The following PAIP1 variants were observed in gnomAD, a reference collection of about 807,000 sequenced individuals.
PAIP1 encodes the protein polyadenylate-binding protein-interacting protein 1.
A neutral mutation model predicts 61.3 loss-of-function variants in PAIP1; 16 were observed. The observed-to-expected ratio is 0.26, with a 90% CI of 0.18 to 0.40. The LOEUF (loss-of-function observed/expected upper bound fraction) is 0.40. Ranked by LOEUF, PAIP1 falls within the 10% of genes least tolerant of loss-of-function variation. PAIP1 has a pLI of 1.00. For synonymous variants in PAIP1, 187 were observed against 226.2 expected, an observed-to-expected ratio of 0.83 and a Z score of 1.56; for missense variants, 416 against 600.9, an observed-to-expected ratio of 0.69 and a Z score of 3.22.
chr5:43,556,880 G>T lies in PAIP1; in HGVS notation c.-34C>A. 7.3e-7 allele frequency: 1 copy of T among 1,365,926 alleles called. No homozygotes were observed. The allele number at this position is 1,365,926 out of a possible 1,614,324, so 84.6% of individuals were successfully genotyped here. A position where few individuals can be genotyped will look rare whatever the true frequency, so the allele number is the denominator to read the frequency against. The stretch of plus-strand genomic sequence containing the variant: ...TCCTCCGCCTCCTCCTCCAGGGGCC[G>T]CTGCCGCTGCGCTCGCGATAGGACG... On this transcript the variant is annotated 5_prime_UTR_variant, in exon 1 of 11. Coordinates refer to ENST00000306846, the MANE Select transcript of PAIP1 (RefSeq NM_006451.5).
At chr5:43,544,379 C>T (rs1747548256) in intron 3 of PAIP1, among the ~76,000 whole-genome samples, 1 of 152,060 alleles carries the variant, frequency 6.6e-6, no homozygotes, top group African/African-American at 2.4e-5. Flanking sequence ...GTACCCAAGA[C>T]TTGGTTCACC....
At chr5:43,540,159 C>T (rs765911754) in intron 4 of PAIP1, among the ~76,000 whole-genome samples, 5 of 152,164 alleles carry the variant, frequency 3.3e-5, no homozygotes, top group African/African-American at 9.7e-5. Flanking sequence ...CCAATGTTTA[C>T]GAGGTATATT....
At chr5:43,551,481 T>C (rs1450991225) in intron 2 of PAIP1, among the ~76,000 whole-genome samples, 1 of 152,176 alleles carries the variant, frequency 6.6e-6, no homozygotes, top group Non-Finnish European at 1.5e-5. Context: ...CATTATAAAG[T>C]TGTGAAAGCA....
chr5:43,528,836 G>A lies in PAIP1; in HGVS notation c.1346+950C>T, dbSNP rs1156287058. Among the ~76,000 whole-genome samples, 7 of 152,216 alleles carry A rather than the reference G, an allele frequency of 4.6e-5. No homozygotes were observed. In the East Asian group the frequency reaches 1.4e-3, roughly 29 times the overall value. On this transcript the variant is annotated intron_variant, in intron 10 of 10. Transcript: ENST00000306846. Reference sequence around the variant, plus strand: ...TAGCCTGTCCAAATATACACAAGTTGTTAACAGAATTGGTACTAAACCTCA... The same window carrying A: ...TAGCCTGTCCAAATATACACAAGTTATTAACAGAATTGGTACTAAACCTCA...
At chr5:43,543,185 C>T in intron 3 of PAIP1, 69 bp from the exon 4 acceptor site, 2 of 735,506 alleles carry the variant, frequency 2.7e-6, no homozygotes, top group Non-Finnish European at 2.3e-6. Context: ...TTAACAGCAA[C>T]ATTCTAAAGA....
chr5:43,546,880 C>G (rs1162460723), intron 3 of PAIP1, among the ~76,000 whole-genome samples: 1 of 151,178 alleles, frequency 6.6e-6, no homozygotes, highest in Non-Finnish European at 1.5e-5. Flanking sequence ...CTGTCTCTAT[C>G]AAAAATACAA....
rs1293187028 is a variant in PAIP1 at position 43,547,680 on chromosome 5, C to A, written c.621+48G>T. On this transcript the variant is annotated intron_variant, in intron 3 of 10. Coordinates refer to ENST00000306846, the MANE Select transcript of PAIP1 (RefSeq NM_006451.5). Reference sequence around the variant, plus strand: ...TCAAGGAGTAGCCACTATCCTTGGGCTTCAAGGAAGCTATCTGAAGGTCAC... The same window carrying A: ...TCAAGGAGTAGCCACTATCCTTGGGATTCAAGGAAGCTATCTGAAGGTCAC... The A allele has an allele frequency of 4.0e-6, 5 of 1,252,122 alleles. No individual in the cohort carries two copies. In the African/African-American group the frequency reaches 7.5e-5, roughly 19 times the overall value. 77.6% of individuals were successfully genotyped at this position (1,252,122 alleles called of 1,614,324 possible).
rs1238439097 is a variant in PAIP1, at chr5:43,526,905, T to C, written c.*471A>G. The C allele has an allele frequency of 1.3e-5, 2 of 151,326 alleles. No homozygotes were observed. The highest frequency in any genetic ancestry group is 4.8e-5 in the African/African-American group (2 of 41,244). 9.4% of individuals were successfully genotyped at this position (151,326 alleles called of 1,614,324 possible). A position where few individuals can be genotyped will look rare whatever the true frequency, so the allele number is the denominator to read the frequency against. On this transcript the variant is annotated 3_prime_UTR_variant, in exon 11 of 11. Transcript: ENST00000306846. ...TATTCCAAGACTTTAGTGCTAAAGA[T>C]TTTCAAGATTATGATTCATATTTGA...
At chr5:43,533,895 T>G in intron 8 of PAIP1, 103 bp from the exon 9 acceptor site, 1 of 720,420 alleles carries the variant, frequency 1.4e-6, no homozygotes, top group Non-Finnish European at 2.5e-6. Context: ...CACCTAATAA[T>G]GCAAGAACAA....
chr5:43,551,751 T>C (rs926868345), intron 2 of PAIP1, among the ~76,000 whole-genome samples: 101 of 151,634 alleles, frequency 6.7e-4, no homozygotes, highest in Non-Finnish European at 1.4e-3. Context: ...CAATCTTTTT[T>C]TTTTTTTTTT....
At chr5:43,548,014 CAT>C (rs1747714930) in intron 2 of PAIP1, 101 bp from the exon 3 acceptor site, 1 of 661,120 alleles carries the variant, frequency 1.5e-6, no homozygotes, top group Admixed American at 3.6e-5. Flanking sequence ...AGATCCCTCA[CAT>C]GATAAAAATT....
At chr5:43,540,337 C>T (rs1452954385) in intron 4 of PAIP1, among the ~76,000 whole-genome samples, 1 of 152,098 alleles carries the variant, frequency 6.6e-6, no homozygotes, top group East Asian at 1.9e-4. Context: ...TTTAAAAACA[C>T]CTGTTGGCTG....
intron 9 of PAIP1, 45 bp downstream of exon 9, chr5:43,533,693 T>G: frequency 7.9e-7 from 1 of 1,264,638 alleles, no homozygotes; most frequent in Non-Finnish European, 1.2e-6. Flanking sequence ...AATTTACTAC[T>G]TTACCAAACA....
At chr5:43,548,756 T>C (rs1747741803) in intron 2 of PAIP1, among the ~76,000 whole-genome samples, 1 of 152,180 alleles carries the variant, frequency 6.6e-6, no homozygotes, top group Admixed American at 6.5e-5. Flanking sequence ...TAATAATAAC[T>C]ACACTGCTTG....
chr5:43,548,945 G>T (rs1747748276), intron 2 of PAIP1, among the ~76,000 whole-genome samples: 1 of 152,120 alleles, frequency 6.6e-6, no homozygotes, highest in South Asian at 2.1e-4. Context: ...GAGAAAGACA[G>T]TCTTTTTTTT....
chr5:43,552,643 T>C (rs571191777), intron 2 of PAIP1, among the ~76,000 whole-genome samples: 13 of 152,152 alleles, frequency 8.5e-5, no homozygotes, highest in Non-Finnish European at 1.5e-4. Context: ...AATTCATAGG[T>C]TGAAATCTGG....
intron 9 of PAIP1, among the ~76,000 whole-genome samples, chr5:43,530,228 TAAC>T (rs1293195402): frequency 2.0e-5 from 3 of 152,314 alleles, no homozygotes; most frequent in East Asian, 1.9e-4. Flanking sequence ...AGAAAGCAGG[TAAC>T]AACAATTGGT....
chr5:43,542,582 G>A lies in PAIP1; in HGVS notation c.734+422C>T, dbSNP rs1747458097. On this transcript the variant is annotated intron_variant, in intron 4 of 10. Coordinates refer to ENST00000306846, the MANE Select transcript of PAIP1 (RefSeq NM_006451.5). ...TAATAGCTATTGTATGAATTGTATG[G>A]TAATAAAAAGGAACAGAATAAGTGA... 2.0e-5 allele frequency among the ~76,000 whole-genome samples: 3 copies of A among 151,374 alleles called. No homozygotes were observed. The South Asian group carries it at 6.3e-4, about 32-fold the overall frequency.
chr5:43,543,310 C>CAAAAAAAAAAAAAAAAAAAAAAAAAAA (rs11427976), intron 3 of PAIP1, among the ~76,000 whole-genome samples, 194 bp from the exon 4 acceptor site: 1 of 96,042 alleles, frequency 1.0e-5, no homozygotes, highest in Non-Finnish European at 2.0e-5. Context: ...ACAATAAGTA[C>CAAAAAAAAAAAAAAAAAAAAAAAAAAA]AAAAAAAAAA....
Sources: allele counts gnomAD v4.1 joint callset (sites outside exome capture counted in the v4.1 genomes callset), GRCh38; gene constraint gnomAD v4.1.1; transcripts MANE v1.5; gene names NCBI Gene and HGNC (gene_info 2026-07-23, HGNC 2026-07-21).